STAP2: variants seen among roughly 807,000 people sequenced by gnomAD.
STAP2 encodes signal-transducing adaptor protein 2.
STAP2 carries 58 observed loss-of-function variants against 52.7 expected under a neutral mutation model. The observed-to-expected ratio is 1.10, with a 90% CI of 0.89 to 1.37. The LOEUF is 1.37. STAP2 is among the 40% of genes most tolerant of loss of function. The pLI, the probability that STAP2 is intolerant of heterozygous loss-of-function variation, is 0.00. For missense variants in STAP2, 522 were observed against 519.4 expected (o/e 1.00, Z -0.05); for synonymous variants, 231 against 210.5 (o/e 1.10, Z -0.84).
chr19:4,333,594 G>A, intron 3 of STAP2, 100 bp downstream of exon 3: 2 of 1,483,994 alleles, frequency 1.3e-6, no homozygotes, highest in African/African-American at 2.8e-5. Context: ...ACAGGGCCCT[G>A]TACTACCTGC....
intron 4 of STAP2, among the ~76,000 whole-genome samples, chr19:4,331,727 C>CA (rs1464932317): frequency 6.6e-6 from 1 of 151,404 alleles, no homozygotes; most frequent in African/African-American, 2.4e-5. Flanking sequence ...GTTCAGGAGA[C>CA]AGAGACCATC....
intron 6 of STAP2, 84 bp downstream of exon 6, chr19:4,328,591 C>A (rs1971834534): frequency 1.5e-5 from 23 of 1,517,858 alleles, no homozygotes; most frequent in Non-Finnish European, 1.9e-5. Context: ...GGGTCGGACT[C>A]CGCCCCTGCT....
At chr19:4,333,614 G>T in intron 3 of STAP2, 80 bp downstream of exon 3, 4 of 1,513,388 alleles carry the variant, frequency 2.6e-6, no homozygotes, top group Non-Finnish European at 3.5e-6. Flanking sequence ...CCCCTTCGTG[G>T]TTGGCACAAT....
rs1971837938 is a variant in STAP2, at chr19:4,328,694, T to G, written c.571A>C (p.Thr191Pro). 1 of 1,585,436 alleles carries G rather than the reference T, an allele frequency of 6.3e-7. No individual in the cohort carries two copies. The highest frequency in any genetic ancestry group is 1.4e-5 in the African/African-American group (1 of 73,754). Residue 191 changes from threonine to proline, a missense_variant, in exon 6 of 13, where the codon ACG becomes CCG. Physicochemically the swap from Thr to Pro is conservative, Grantham distance 38 (BLOSUM62 -1). Transcript: ENST00000594605. ...GCGCACCCGTTGTGCATCTGCCGCG[T>G]GGTGACCGACACGCCGTCGGCGCCG... is the stretch of plus-strand genomic sequence containing the variant. Reference protein sequence around the residue: ...GDGADGVSVTTRQMHNGTHVV... With the variant: ...GDGADGVSVTPRQMHNGTHVV...
At chr19:4,329,522 C>T (rs1285280977) in intron 5 of STAP2, among the ~76,000 whole-genome samples, 3 of 151,998 alleles carry the variant, frequency 2.0e-5, no homozygotes, top group Non-Finnish European at 4.4e-5. Flanking sequence ...ACACCTAGAC[C>T]TTACCCTGGA....
At chr19:4,333,571 T>A in intron 3 of STAP2, 123 bp downstream of exon 3, 1 of 1,354,702 alleles carries the variant, frequency 7.4e-7, no homozygotes, top group South Asian at 1.6e-5. Context: ...GACCCAAGTC[T>A]TACCCAGGGC....
chr19:4,332,719 T>C (rs1971913801), intron 3 of STAP2, among the ~76,000 whole-genome samples: 1 of 151,798 alleles, frequency 6.6e-6, no homozygotes, highest in Non-Finnish European at 1.5e-5. Context: ...TGGCATGTGC[T>C]TGGCTGAGGT....
At chr19:4,330,324 C>T (rs1373059905) in intron 4 of STAP2, among the ~76,000 whole-genome samples, 1 of 151,924 alleles carries the variant, frequency 6.6e-6, no homozygotes, top group Non-Finnish European at 1.5e-5. Context: ...AGTTCGAGAC[C>T]AACCTGGGCA....
At position 4,326,958 on chromosome 19, in the gene STAP2, G is replaced by C. The variant is rs924145988; in HGVS notation, c.813C>G (p.Pro271=). 1.5e-5 allele frequency: 24 copies of C among 1,551,562 alleles called. No individual in the cohort carries two copies. The African/African-American group carries it at 2.7e-4, about 18-fold the overall frequency. ...KENGENVWVA[P]SAPGPGPAPC... ...GGGCGTCACCTGGGCCCGGAGCGGA[G>C]GGCGCCACCCACACATTCTCGCCAT... The change falls in exon 9 of 13, where the codon CCC becomes CCG. Residue 271 remains proline, a synonymous_variant. Coordinates refer to ENST00000594605, the MANE Select transcript of STAP2 (RefSeq NM_001013841.2).
intron 1 of STAP2, 52 bp downstream of exon 1, chr19:4,338,600 C>A: frequency 6.6e-7 from 1 of 1,519,960 alleles, no homozygotes; most frequent in South Asian, 1.2e-5. Context: ...AGAGAGGTGC[C>A]GCAGCTCCCC....
chr19:4,324,691 A>G lies in STAP2; in HGVS notation c.1073-162T>C. Reference sequence around the variant, plus strand: ...TACTAAAAATACAAAAATTAGATGGACGTGGTGGCAGGTGCCTGTAATCCC... The same window carrying G: ...TACTAAAAATACAAAAATTAGATGGGCGTGGTGGCAGGTGCCTGTAATCCC... On this transcript the variant is annotated intron_variant, in intron 11 of 12. Transcript: ENST00000594605. 4.7e-6 allele frequency: 3 copies of G among 633,348 alleles called. 1 individual carries two copies. The highest frequency in any genetic ancestry group is 3.9e-5 in the South Asian group (2 of 50,736). 39.2% of individuals were successfully genotyped at this position (633,348 alleles called of 1,614,324 possible). A position where few individuals can be genotyped will look rare whatever the true frequency, so the allele number is the denominator to read the frequency against.
chr19:4,325,671 T>C, intron 9 of STAP2, 126 bp from the exon 10 acceptor site: 1 of 1,195,960 alleles, frequency 8.4e-7, no homozygotes, highest in Admixed American at 2.5e-5. Context: ...TGTGTGCCCA[T>C]GTATAAGTCT....
chr19:4,333,894 G>T, intron 2 of STAP2, 78 bp from the exon 3 acceptor site: 1 of 1,612,248 alleles, frequency 6.2e-7, no homozygotes, highest in South Asian at 1.1e-5. Flanking sequence ...CAGCCACCTT[G>T]ACCACACCAT....
Position 4,338,483 on chromosome 19 carries a change from C to T in STAP2, c.102+169G>A, listed in dbSNP as rs142347780. Among the ~76,000 whole-genome samples, 708 of 152,222 alleles carry T rather than the reference C, an allele frequency of 4.7e-3. 4 individuals are homozygous for T. Among genetic ancestry groups the T allele is most frequent in the Middle Eastern group, 0.02 (6 of 294 alleles). On this transcript the variant is annotated intron_variant, in intron 1 of 12. Coordinates refer to ENST00000594605, the MANE Select transcript of STAP2 (RefSeq NM_001013841.2). ...AAAGACACACGGAGACAGAGATAGA[C>T]GCACAGAGAGGCAGATGGCCAGAAC...
In STAP2 at chr19:4,325,502, C is replaced by A; in HGVS notation, c.873G>T (p.Ala291=). 6.2e-7 allele frequency: 1 copy of A among 1,611,522 alleles called. No homozygotes were observed. Among genetic ancestry groups the A allele is most frequent in the South Asian group, 1.1e-5 (1 of 90,590 alleles). ...GTGGGGGCAGCTTGTCCTGGCTAGACGCAGGTGACAGCGGCTTGGGGCCAC... is the reference window on the plus strand; with the variant it reads ...GTGGGGGCAGCTTGTCCTGGCTAGAAGCAGGTGACAGCGGCTTGGGGCCAC... ...CTGGPKPLSP[A]SSQDKLPPLP... Residue 291 remains alanine (A), a synonymous_variant, in exon 10 of 13, where the codon GCG becomes GCT. Coordinates refer to ENST00000594605, the MANE Select transcript of STAP2 (RefSeq NM_001013841.2).
chr19:4,330,058 G>A lies in STAP2; in HGVS notation c.358C>T (p.Arg120Cys), dbSNP rs878935447. 6.8e-6 allele frequency: 11 copies of A among 1,613,166 alleles called. No homozygotes were observed. Among genetic ancestry groups the A allele is most frequent in the Middle Eastern group, 3.3e-4 (2 of 6,058 alleles). The change falls in exon 5 of 13, where the codon CGT (arginine) becomes TGT (cysteine). Residue 120 changes from arginine to cysteine, a missense_variant. By Grantham distance (180) the Arg-to-Cys change is radical. Transcript: ENST00000594605. The part of the protein sequence containing the change: ...KGFILTVVEL[R>C]VPTDLTLLPG... ...AGCAGGGTCAAGTCGGTCGGGACAC[G>A]GAGCTGAGGGGCGATCGAGGGACAG...
At chr19:4,329,726 C>T (rs1269771737) in intron 5 of STAP2, among the ~76,000 whole-genome samples, 2 of 152,164 alleles carry the variant, frequency 1.3e-5, no homozygotes, top group African/African-American at 2.4e-5. Context: ...CTAGGCCCCG[C>T]CACTGAAGAC....
At chr19:4,333,261 G>A (rs916589951) in intron 3 of STAP2, among the ~76,000 whole-genome samples, 5 of 152,100 alleles carry the variant, frequency 3.3e-5, no homozygotes, top group African/African-American at 9.7e-5. Context: ...TTGGGAAGCC[G>A]AGGTGGGTGG....
intron 9 of STAP2, among the ~76,000 whole-genome samples, chr19:4,326,216 A>G (rs139413278): frequency 7.2e-5 from 11 of 152,362 alleles, no homozygotes; most frequent in African/African-American, 2.6e-4. Flanking sequence ...GTGGCATGAC[A>G]CAGGTGTATC....
Sources: allele counts gnomAD v4.1 joint callset (sites outside exome capture counted in the v4.1 genomes callset), GRCh38; gene constraint gnomAD v4.1.1; transcripts MANE v1.5; gene names NCBI Gene and HGNC (gene_info 2026-07-23, HGNC 2026-07-21).